UBE3C: variants seen among roughly 807,000 people sequenced by gnomAD.
The protein encoded by UBE3C is ubiquitin protein ligase E3C.
UBE3C carries 42 observed loss-of-function variants against 129.4 expected under a neutral mutation model. The observed-to-expected ratio is 0.32, with a 90% confidence interval of 0.25 to 0.42. The LOEUF is 0.42. Ranked by LOEUF, UBE3C falls within the 10% of genes least tolerant of loss-of-function variation. UBE3C has a pLI of 1.00. For missense variants in UBE3C, 1,049 were observed against 1,319.1 expected, an observed-to-expected ratio of 0.80 and a Z score of 3.17; for synonymous variants, 510 against 492.4, an observed-to-expected ratio of 1.04 and a Z score of -0.47.
chr7:157,240,251 C>T (rs185498278), intron 18 of UBE3C, among the ~76,000 whole-genome samples: 55 of 152,240 alleles, frequency 3.6e-4, no homozygotes, highest in African/African-American at 9.9e-4. Context: ...GATGGGGTTT[C>T]GCCATGTTGG....
Position 157,181,535 on chromosome 7 carries a change from T to C in UBE3C, c.634T>C (p.Tyr212His). ...CCTTTTAGGGTATTATAGGTCTCTA[T>C]ATTTGTTGATTAACAGCAAGCTTCC... is the stretch of plus-strand genomic sequence containing the variant. ...MIHNGYYRSL[Y>H]LLINSKLPSS... is the part of the protein sequence containing the mutation. Residue 212 changes from tyrosine (Y) to histidine (H), a missense_variant, in exon 7 of 23, where the codon TAT (tyrosine) becomes CAT (histidine). Transcript: ENST00000348165. 6.2e-7 allele frequency: 1 copy of C among 1,610,560 alleles called. No individual in the cohort carries two copies. The highest frequency in any genetic ancestry group is 8.5e-7 in the Non-Finnish European group (1 of 1,179,018).
intron 19 of UBE3C, among the ~76,000 whole-genome samples, chr7:157,250,437 TC>T: frequency 6.6e-6 from 1 of 152,276 alleles, no homozygotes; most frequent in East Asian, 1.9e-4. Flanking sequence ...TCCTCCTGCC[TC>T]AACCTCCCAA....
intron 22 of UBE3C, among the ~76,000 whole-genome samples, chr7:157,264,384 TGAGTC>T (rs1797014218): frequency 8.7e-6 from 1 of 115,422 alleles, no homozygotes; most frequent in South Asian, 3.2e-4. Context: ...ACTACAGGTG[TGAGTC>T]AACATGCTCG....
chr7:157,166,912 TTGGTGG>T lies in UBE3C; in HGVS notation c.121-2110_121-2105del, dbSNP rs745770395. On this transcript the variant is annotated intron_variant, in intron 2 of 22. Transcript: ENST00000348165. ...ATCTGGTGAAAGTCGCTTTTTCCTG[TTGGTGG>T]TGGTGGTGGTGGTGGTGGTGGTGGT... 1.4e-4 allele frequency among the ~76,000 whole-genome samples: 18 copies of T among 126,656 alleles called. No individual in the cohort carries two copies. The South Asian group carries it at 3.6e-3, about 25-fold the overall frequency. The allele number at this position is 126,656 out of a possible 152,430, so 83.1% of individuals were successfully genotyped here.
rs1335578328 is a variant in UBE3C, at chr7:157,178,690, G to A, written c.459G>A (p.Arg153=). The A allele has an allele frequency of 1.2e-6, 2 of 1,611,734 alleles. No homozygotes were observed. Among genetic ancestry groups the A allele is most frequent in the Non-Finnish European group, 1.7e-6 (2 of 1,178,314 alleles). ...GTGAATACTTTTTTCATTTTTACAG[G>A]TTGCTGCAAAACTGTAATGATGACA... ...QIKRLMSLCC[R]LLQNCNDDSL... Residue 153 remains arginine (R), a splice_region_variant and synonymous_variant, in exon 6 of 23, where the codon AGG becomes AGA. Coordinates refer to ENST00000348165, the MANE Select transcript of UBE3C (RefSeq NM_014671.3).
chr7:157,244,003 G>C (rs550860644), intron 18 of UBE3C, among the ~76,000 whole-genome samples: 1 of 152,114 alleles, frequency 6.6e-6, no homozygotes, highest in East Asian at 1.9e-4. Context: ...AGGCCGAGGC[G>C]GGTGATCACC....
At position 157,231,312 on chromosome 7, in the gene UBE3C, C is replaced by T. The variant is rs1283136101; in HGVS notation, c.2466C>T (p.Gly822=). The stretch of plus-strand genomic sequence containing the variant: ...TTGCCAGACATTACTACTTCCTAGG[C>T]AGAATGCTTGGAAAGGTAAAGTAAC... ...DSFARHYYFL[G]RMLGKALYEN... is the part of the protein sequence containing the mutation. The change falls in exon 18 of 23, where the codon GGC becomes GGT. Residue 822 remains glycine, a synonymous_variant. Coordinates refer to ENST00000348165, the MANE Select transcript of UBE3C (RefSeq NM_014671.3). 2 of 1,613,798 alleles carry T rather than the reference C, an allele frequency of 1.2e-6. No homozygotes were observed. The highest frequency in any genetic ancestry group is 1.7e-6 in the Non-Finnish European group (2 of 1,179,870).
chr7:157,267,597 G>T lies in UBE3C; in HGVS notation c.3094G>T (p.Ala1032Ser). 1.2e-6 allele frequency: 2 copies of T among 1,612,500 alleles called. No homozygotes were observed. Among genetic ancestry groups the T allele is most frequent in the Non-Finnish European group, 8.5e-7 (1 of 1,179,454 alleles). Residue 1032 changes from alanine (A) to serine (S), a missense_variant, in exon 23 of 23, where the codon GCA becomes TCA. Coordinates refer to ENST00000348165, the MANE Select transcript of UBE3C (RefSeq NM_014671.3). Reference protein sequence around the residue: ...PLLGFKELYPAFCIHNGGSDL... With the variant: ...PLLGFKELYPSFCIHNGGSDL... ...TGCTGTTTTTCAGGAGTTGTATCCC[G>T]CATTTTGTATTCACAACGGAGGCTC... is the stretch of plus-strand genomic sequence containing the variant.
chr7:157,179,198 C>T (rs1360976990), intron 6 of UBE3C, among the ~76,000 whole-genome samples: 2 of 151,960 alleles, frequency 1.3e-5, no homozygotes. Flanking sequence ...CTCTTACCAC[C>T]TCCTGGTCAT....
intron 14 of UBE3C, among the ~76,000 whole-genome samples, chr7:157,219,960 G>A (rs1390928782): frequency 4.6e-5 from 7 of 151,844 alleles, no homozygotes; most frequent in South Asian, 2.1e-4. Flanking sequence ...CCTGTGACCC[G>A]GGCACTTTGG....
chr7:157,148,059 C>T (rs905195671), intron 1 of UBE3C, among the ~76,000 whole-genome samples: 1 of 152,022 alleles, frequency 6.6e-6, no homozygotes, highest in Non-Finnish European at 1.5e-5. Context: ...AATGAGGATA[C>T]TCTAGGGCCT....
chr7:157,171,687 T>TATATATATATATA (rs1491094674), intron 4 of UBE3C, among the ~76,000 whole-genome samples: 43 of 6,152 alleles, frequency 7.0e-3, no homozygotes, highest in Admixed American at 8.4e-3. Flanking sequence ...TATATATATA[T>TATATATATATATA]TTTTTTTTTT....
chr7:157,231,234 T>A lies in UBE3C; in HGVS notation c.2388T>A (p.Asn796Lys). The A allele has an allele frequency of 1.2e-6, 2 of 1,614,206 alleles. No individual in the cohort carries two copies. Among genetic ancestry groups the A allele is most frequent in the Non-Finnish European group, 8.5e-7 (1 of 1,180,040 alleles). Reference protein sequence around the residue: ...NPNQGFFKTTNEGLLYPNPAA... With the variant: ...NPNQGFFKTTKEGLLYPNPAA... ...ACCAGGGGTTCTTTAAGACTACTAA[T>A]GAAGGGCTTCTGTACCCCAACCCGG... The change falls in exon 18 of 23, where the codon AAT (asparagine) becomes AAA (lysine). Residue 796 changes from asparagine to lysine, a missense_variant. Coordinates refer to ENST00000348165, the MANE Select transcript of UBE3C (RefSeq NM_014671.3).
rs955098315 is a variant in UBE3C at position 157,246,749 on chromosome 7, C to T, written c.2482-1619C>T. On this transcript the variant is annotated intron_variant, in intron 18 of 22. Coordinates refer to ENST00000348165, the MANE Select transcript of UBE3C (RefSeq NM_014671.3). Reference sequence around the variant, plus strand: ...CTGCACCTCCAGACAGTAGGAAGGCCCGTGACTGCCTCTGTTGAGAGGGTT... The same window carrying T: ...CTGCACCTCCAGACAGTAGGAAGGCTCGTGACTGCCTCTGTTGAGAGGGTT... 2.6e-4 allele frequency among the ~76,000 whole-genome samples: 40 copies of T among 152,176 alleles called. 1 individual carries two copies. Among genetic ancestry groups the T allele is most frequent in the Admixed American group, 6.5e-5 (1 of 15,280 alleles).
chr7:157,265,387 C>T (rs1429312003), intron 22 of UBE3C, among the ~76,000 whole-genome samples: 2 of 152,166 alleles, frequency 1.3e-5, no homozygotes, highest in Non-Finnish European at 2.9e-5. Context: ...TTTGTGTATA[C>T]GAGGAAGGTG....
At position 157,174,996 on chromosome 7, in the gene UBE3C, C is replaced by T; in HGVS notation, c.420C>T (p.Cys140=). The T allele has an allele frequency of 1.2e-6, 2 of 1,612,188 alleles. No homozygotes were observed. Among genetic ancestry groups the T allele is most frequent in the South Asian group, 2.2e-5 (2 of 90,556 alleles). The change falls in exon 5 of 23, where the codon TGC becomes TGT. Residue 140 remains cysteine (C), a synonymous_variant. Transcript: ENST00000348165. ...KQLDGSERLT[C]LFQIKRLMSL... Reference sequence around the variant, plus strand: ...TGGATGGATCTGAGAGACTTACATGCTTATTTCAGATAAAAAGATTGATGA... The same window carrying T: ...TGGATGGATCTGAGAGACTTACATGTTTATTTCAGATAAAAAGATTGATGA...
chr7:157,168,900 C>T lies in UBE3C; in HGVS notation c.121-148C>T. ...TGCATAGCTCTTAATATATTAAATG[C>T]ATATTTAGTGGGTGTTACCTTTTAA... On this transcript the variant is annotated intron_variant, in intron 2 of 22. Transcript: ENST00000348165. 5.1e-6 allele frequency: 3 copies of T among 587,408 alleles called. No individual in the cohort carries two copies. In the South Asian group the frequency reaches 6.1e-5, roughly 12 times the overall value. 36.4% of individuals were successfully genotyped at this position (587,408 alleles called of 1,614,324 possible). A position where few individuals can be genotyped will look rare whatever the true frequency, so the allele number is the denominator to read the frequency against.
intron 17 of UBE3C, among the ~76,000 whole-genome samples, chr7:157,227,232 C>G (rs1296697079): frequency 6.6e-6 from 1 of 151,972 alleles, no homozygotes; most frequent in African/African-American, 2.4e-5. Context: ...AAGGGCCTTC[C>G]AAGAGGCAGT....
intron 1 of UBE3C, 96 bp from the exon 2 acceptor site, chr7:157,163,714 G>C: frequency 7.6e-7 from 1 of 1,318,420 alleles, no homozygotes; most frequent in East Asian, 2.3e-5. Context: ...TGATCTTTAG[G>C]ATCTTTTTTT....
Sources: gnomAD v4.1 joint callset for allele counts (sites outside exome capture counted in the v4.1 genomes callset) on GRCh38, gnomAD v4.1.1 for gene constraint, MANE v1.5 for transcripts, NCBI Gene and HGNC (gene_info 2026-07-23, HGNC 2026-07-21) for gene names.